Variants in TRDMT1 observed in about 807,000 individuals in gnomAD.
TRDMT1 encodes tRNA aspartic acid methyltransferase 1.
Under a neutral mutation model 51.2 loss-of-function variants are expected in TRDMT1, and 49 were observed. The observed-to-expected ratio is 0.96, with a 90% CI of 0.76 to 1.21. The LOEUF (loss-of-function observed/expected upper bound fraction) is 1.21, where lower values mean the gene tolerates loss of function less well. TRDMT1 is among the 50% of genes most tolerant of loss of function. TRDMT1 has a pLI of 0.00. For missense variants in TRDMT1, 534 were observed against 462.3 expected, an observed-to-expected ratio of 1.16 and a Z score of -1.42; for synonymous variants, 187 against 164.6, an observed-to-expected ratio of 1.14 and a Z score of -1.04.
chr10:17,164,518 G>C (rs1588557634), intron 3 of TRDMT1, among the ~76,000 whole-genome samples: 1 of 152,172 alleles, frequency 6.6e-6, no homozygotes, highest in African/African-American at 2.4e-5. Context: ...GTTCTGGCCA[G>C]GGCAATCAGG....
At chr10:17,162,381 T>C in intron 3 of TRDMT1, 144 bp from the exon 4 acceptor site, 1 of 709,240 alleles carries the variant, frequency 1.4e-6, no homozygotes, top group Non-Finnish European at 2.3e-6. Flanking sequence ...ATCTTTGTTG[T>C]TACAGAGAAG....
intron 1 of TRDMT1, among the ~76,000 whole-genome samples, chr10:17,185,728 T>C (rs970600816): frequency 2.0e-5 from 3 of 152,088 alleles, no homozygotes; most frequent in Middle Eastern, 3.4e-3. Context: ...TATGCAGCCA[T>C]AAAAAGGATG....
At chr10:17,163,620 G>A (rs183031483) in intron 3 of TRDMT1, among the ~76,000 whole-genome samples, 22 of 152,074 alleles carry the variant, frequency 1.4e-4, no homozygotes, top group African/African-American at 4.6e-4. Context: ...TTGATAGACC[G>A]CTAGCAAGAC....
chr10:17,148,882 AAC>A lies in TRDMT1; in HGVS notation c.*156_*157del, dbSNP rs1838342504. 7.9e-7 allele frequency: 1 copy of A among 1,258,844 alleles called. No individual in the cohort carries two copies. The highest frequency in any genetic ancestry group is 1.0e-6 in the Non-Finnish European group (1 of 978,046). The allele number at this position is 1,258,844 out of a possible 1,614,324, so 78.0% of individuals were successfully genotyped here. On this transcript the variant is annotated 3_prime_UTR_variant, in exon 11 of 11. Transcript: ENST00000377799. The stretch of plus-strand genomic sequence containing the variant: ...AAATACAGTAATATAAATTTGATGA[AAC>A]ACATGGATTTTTTTAATAAAATCCA...
Position 17,165,638 on chromosome 10 carries a change from T to C in TRDMT1, c.251+3203A>G, listed in dbSNP as rs201736954. Among the ~76,000 whole-genome samples the C allele has an allele frequency of 8.3e-4, 126 of 151,562 alleles. No homozygotes were observed. The East Asian group carries it at 0.019, about 23-fold the overall frequency. On this transcript the variant is annotated intron_variant, in intron 3 of 10. Transcript: ENST00000377799. ...CTACTCATCTGACAAAGGGCTAATA[T>C]CCAGAATCTACAATGAACTCAAAAC...
At chr10:17,164,985 C>T (rs1219606758) in intron 3 of TRDMT1, among the ~76,000 whole-genome samples, 1 of 152,120 alleles carries the variant, frequency 6.6e-6, no homozygotes, top group Non-Finnish European at 1.5e-5. Context: ...CATCAAGCTA[C>T]CAATGATTTT....
At position 17,143,606 on chromosome 10, in the gene TRDMT1, T is replaced by C; in HGVS notation, c.*5434A>G. On this transcript the variant is annotated 3_prime_UTR_variant, in exon 11 of 11. Transcript: ENST00000377799. ...CTGGATTAAATTTAGAAGGCTCAAA[T>C]CTGTTAAATGTTGACATGTTTAACC... 9 of 985,492 alleles carry C rather than the reference T, an allele frequency of 9.1e-6. No individual in the cohort carries two copies. The highest frequency in any genetic ancestry group is 1.1e-5 in the Non-Finnish European group (9 of 829,946). The allele number at this position is 985,492 out of a possible 1,614,324, so 61.0% of individuals were successfully genotyped here.
chr10:17,157,314 G>T, intron 8 of TRDMT1, 127 bp downstream of exon 8: 1 of 926,164 alleles, frequency 1.1e-6, no homozygotes, highest in Non-Finnish European at 1.6e-6. Context: ...GCAATTAAGG[G>T]AAAATACCTC....
chr10:17,181,528 T>C (rs187352108), intron 1 of TRDMT1, among the ~76,000 whole-genome samples: 3 of 152,292 alleles, frequency 2.0e-5, no homozygotes, highest in African/African-American at 7.2e-5. Flanking sequence ...GAATTATACT[T>C]CCTAAAATCA....
At chr10:17,180,553 A>C (rs1843161406) in intron 1 of TRDMT1, among the ~76,000 whole-genome samples, 1 of 137,638 alleles carries the variant, frequency 7.3e-6, no homozygotes, top group Admixed American at 7.4e-5. Context: ...AAAAAAAAAA[A>C]AAAACTCTCT....
rs1837644506 is a variant in TRDMT1 at position 17,141,107 on chromosome 10, T to C, written c.*7933A>G. Among the ~76,000 whole-genome samples the C allele has an allele frequency of 6.6e-6, 1 of 152,236 alleles. No homozygotes were observed. Among genetic ancestry groups the C allele is most frequent in the Non-Finnish European group, 1.5e-5 (1 of 68,050 alleles). The stretch of plus-strand genomic sequence containing the variant: ...GTTTTGGATGAGACATCTACTGTCA[T>C]CCAAATTGTGTCCCCCGCCCCATGG... On this transcript the variant is annotated 3_prime_UTR_variant, in exon 11 of 11. Coordinates refer to ENST00000377799, the MANE Select transcript of TRDMT1 (RefSeq NM_004412.7).
intron 1 of TRDMT1, among the ~76,000 whole-genome samples, chr10:17,181,772 G>C (rs1843312600): frequency 6.6e-6 from 1 of 152,170 alleles, no homozygotes; most frequent in East Asian, 1.9e-4. Context: ...TAGTGCTATT[G>C]TCAGGCAGTA....
intron 2 of TRDMT1, among the ~76,000 whole-genome samples, chr10:17,171,076 T>C (rs927809160): frequency 1.3e-5 from 2 of 151,818 alleles, no homozygotes; most frequent in Admixed American, 6.6e-5. Context: ...AGAATACTTT[T>C]AAAGTTTCAC....
intron 10 of TRDMT1, chr10:17,150,851 T>C (rs1333662281): frequency 2.0e-6 from 2 of 985,076 alleles, no homozygotes; most frequent in African/African-American, 3.5e-5. Flanking sequence ...TAAAATTATT[T>C]ACTTCAAAGT....
rs551470902 is a variant in TRDMT1 at position 17,148,539 on chromosome 10, A to G, written c.*501T>C. 6 of 985,052 alleles carry G rather than the reference A, an allele frequency of 6.1e-6. No homozygotes were observed. In the African/African-American group the frequency reaches 1.0e-4, roughly 17 times the overall value. The allele number at this position is 985,052 out of a possible 1,614,324, so 61.0% of individuals were successfully genotyped here. A position where few individuals can be genotyped will look rare whatever the true frequency, so the allele number is the denominator to read the frequency against. ...CTGCTGTATAAACTGAATGATGATA[A>G]TTTGGTTTACATATCATATGCATTT... On this transcript the variant is annotated 3_prime_UTR_variant, in exon 11 of 11. Coordinates refer to ENST00000377799, the MANE Select transcript of TRDMT1 (RefSeq NM_004412.7).
At chr10:17,194,947 G>A (rs78114091) in intron 1 of TRDMT1, among the ~76,000 whole-genome samples, 21 of 75,620 alleles carry the variant, frequency 2.8e-4, no homozygotes, top group Admixed American at 2.5e-4. Flanking sequence ...AAAAAAAAAA[G>A]TCAAAAAAAA....
At chr10:17,151,667 G>A in intron 10 of TRDMT1, 1 of 954,748 alleles carries the variant, frequency 1.0e-6, no homozygotes, top group Non-Finnish European at 1.2e-6. Context: ...AAAGAGCTTT[G>A]AAAAATTCTA....
chr10:17,168,995 A>C, intron 2 of TRDMT1, 78 bp from the exon 3 acceptor site: 1 of 897,210 alleles, frequency 1.1e-6, no homozygotes, highest in Non-Finnish European at 1.7e-6. Flanking sequence ...TACTAACTAT[A>C]ATTAAATATA....
chr10:17,169,432 T>G lies in TRDMT1; in HGVS notation c.175-515A>C. 4 of 1,288,808 alleles carry G rather than the reference T, an allele frequency of 3.1e-6. No homozygotes were observed. In the South Asian group the frequency reaches 3.7e-5, roughly 12 times the overall value. 79.8% of individuals were successfully genotyped at this position (1,288,808 alleles called of 1,614,324 possible). A position where few individuals can be genotyped will look rare whatever the true frequency, so the allele number is the denominator to read the frequency against. ...CTCATTCTCAGATATCCACAATTAT[T>G]TTGTTTTGCAGTTGTGTGCAATGAA... On this transcript the variant is annotated intron_variant, in intron 2 of 10. Transcript: ENST00000377799.
Sources: gnomAD v4.1 joint callset for allele counts (sites outside exome capture counted in the v4.1 genomes callset) on GRCh38, gnomAD v4.1.1 for gene constraint, MANE v1.5 for transcripts, NCBI Gene and HGNC (gene_info 2026-07-23, HGNC 2026-07-21) for gene names.